NCKAP5: variants seen among roughly 807,000 people sequenced by gnomAD.
NCKAP5 encodes nck-associated protein 5.
In NCKAP5, 92 loss-of-function variants were observed where a neutral mutation model predicts 167.0. The ratio of observed to expected loss-of-function variants is 0.55; its 90% confidence interval spans 0.47 to 0.66. NCKAP5 has a LOEUF of 0.66. NCKAP5 is among the 30% of genes least tolerant of loss of function. The pLI is 0.00. For synonymous variants in NCKAP5, 891 were observed against 877.4 expected (o/e 1.02, Z -0.27); for missense variants, 2,378 against 2,315.0 (o/e 1.03, Z -0.56).
intron 8 of NCKAP5, among the ~76,000 whole-genome samples, chr2:132,961,982 T>C (rs1172913547): frequency 6.6e-6 from 1 of 152,200 alleles, no homozygotes; most frequent in Non-Finnish European, 1.5e-5. Context: ...TGACTATCTT[T>C]AAAAAATGAC....
intron 3 of NCKAP5, among the ~76,000 whole-genome samples, chr2:133,366,953 G>A (rs1685492570): frequency 6.6e-6 from 1 of 152,126 alleles, no homozygotes; most frequent in Non-Finnish European, 1.5e-5. Flanking sequence ...TACTTATCAC[G>A]TAAAGACACT....
At chr2:133,199,710 T>C (rs2085590876) in intron 5 of NCKAP5, among the ~76,000 whole-genome samples, 1 of 151,992 alleles carries the variant, frequency 6.6e-6, no homozygotes, top group Non-Finnish European at 1.5e-5. Flanking sequence ...ATTTCACTCC[T>C]AGGTATTTAT....
At chr2:133,321,505 A>G (rs1365737902) in intron 3 of NCKAP5, among the ~76,000 whole-genome samples, 1 of 152,218 alleles carries the variant, frequency 6.6e-6, no homozygotes, top group Non-Finnish European at 1.5e-5. Flanking sequence ...TTAAGCTTAC[A>G]ATGACAAAAC....
At chr2:133,103,441 A>G (rs1226851533) in intron 6 of NCKAP5, among the ~76,000 whole-genome samples, 1 of 152,204 alleles carries the variant, frequency 6.6e-6, no homozygotes, top group African/African-American at 2.4e-5. Context: ...TGAGAATTAA[A>G]AGAGAGAAAG....
At chr2:133,619,709 G>C in the NCKAP5 span, among the ~76,000 whole-genome samples, 4 of 152,050 alleles carry the variant, frequency 2.6e-5, no homozygotes, top group Non-Finnish European at 5.9e-5. Flanking sequence ...AACTTCCCTG[G>C]CCTTGCTAGA....
intron 3 of NCKAP5, among the ~76,000 whole-genome samples, chr2:133,324,863 G>T (rs1682322852): frequency 2.0e-5 from 3 of 151,892 alleles, no homozygotes; most frequent in Admixed American, 2.0e-4. Context: ...GGGATTACAG[G>T]CACCCAGATA....
At chr2:133,006,401 T>C (rs896064513) in intron 6 of NCKAP5, among the ~76,000 whole-genome samples, 2 of 152,238 alleles carry the variant, frequency 1.3e-5, no homozygotes, top group African/African-American at 2.4e-5. Flanking sequence ...AAGTTAATAT[T>C]TCTCCACAGT....
intron 6 of NCKAP5, among the ~76,000 whole-genome samples, chr2:133,100,609 G>T (rs142129286): frequency 6.6e-6 from 1 of 152,088 alleles, no homozygotes; most frequent in Non-Finnish European, 1.5e-5. Context: ...TAGCAACAGC[G>T]TAAGAAATCC....
chr2:133,593,250 A>C, the NCKAP5 span, among the ~76,000 whole-genome samples: 2 of 152,200 alleles, frequency 1.3e-5, no homozygotes, highest in South Asian at 4.1e-4. Context: ...AGAATTGTAT[A>C]CACATTTGTA....
chr2:133,557,174 T>C (rs1461640349), intron 2 of NCKAP5, among the ~76,000 whole-genome samples: 1 of 152,162 alleles, frequency 6.6e-6, no homozygotes, highest in African/African-American at 2.4e-5. Context: ...AAAACAAATA[T>C]CATAAGAGAA....
chr2:132,747,620 T>TA (rs1183331290), intron 16 of NCKAP5, among the ~76,000 whole-genome samples: 1 of 152,130 alleles, frequency 6.6e-6, no homozygotes, highest in Admixed American at 6.5e-5. Flanking sequence ...AGAGGGCATC[T>TA]AAGGAGCAGA....
rs1053558662 is a variant in NCKAP5, at chr2:132,895,826, A to C, written c.580-16910T>G. On this transcript the variant is annotated intron_variant, in intron 8 of 19. Transcript: ENST00000409261. Reference sequence around the variant, plus strand: ...TGAATGAGAAGGACTCAAAAAAAAAAAAAAAAACAAAAAAAAAAACACAGT... The same window carrying C: ...TGAATGAGAAGGACTCAAAAAAAAACAAAAAAACAAAAAAAAAAACACAGT... Among the ~76,000 whole-genome samples, 153 of 146,866 alleles carry C rather than the reference A, an allele frequency of 1.0e-3. 2 individuals carry two copies. Among genetic ancestry groups the C allele is most frequent in the Middle Eastern group, 3.7e-3 (1 of 270 alleles).
chr2:133,084,796 C>T (rs2080929409), intron 6 of NCKAP5, among the ~76,000 whole-genome samples: 1 of 152,164 alleles, frequency 6.6e-6, no homozygotes, highest in Non-Finnish European at 1.5e-5. Flanking sequence ...TTAGCTGATA[C>T]ACTTAGGCAT....
At chr2:133,223,079 C>G (rs550518005) in intron 4 of NCKAP5, among the ~76,000 whole-genome samples, 2 of 151,936 alleles carry the variant, frequency 1.3e-5, no homozygotes, top group Non-Finnish European at 2.9e-5. Context: ...AAGAAAAATA[C>G]TAATCAAACT....
chr2:133,085,061 T>G (rs1183819135), intron 6 of NCKAP5, among the ~76,000 whole-genome samples: 1 of 152,206 alleles, frequency 6.6e-6, no homozygotes, highest in Non-Finnish European at 1.5e-5. Context: ...ATTTCTTAGC[T>G]AGTTGGTAAT....
chr2:133,659,010 T>C, the NCKAP5 span, among the ~76,000 whole-genome samples: 1 of 152,112 alleles, frequency 6.6e-6, no homozygotes, highest in Non-Finnish European at 1.5e-5. Flanking sequence ...TTTAAAAATT[T>C]AAAGGCATCA....
chr2:133,428,176 C>T (rs1689930700), intron 3 of NCKAP5, among the ~76,000 whole-genome samples: 1 of 152,048 alleles, frequency 6.6e-6, no homozygotes, highest in African/African-American at 2.4e-5. Flanking sequence ...GAAGCTTTGT[C>T]CTACAAGATA....
intron 2 of NCKAP5, among the ~76,000 whole-genome samples, chr2:133,550,038 C>T (rs1238835075): frequency 1.3e-5 from 2 of 151,218 alleles, no homozygotes; most frequent in Non-Finnish European, 1.5e-5. Flanking sequence ...TCTCCCAAGA[C>T]TAAACCAGGA....
At chr2:132,813,133 A>C (rs147395716) in intron 11 of NCKAP5, among the ~76,000 whole-genome samples, 1 of 152,346 alleles carries the variant, frequency 6.6e-6, no homozygotes, top group African/African-American at 2.4e-5. Context: ...ACGAGAGAGA[A>C]TGTGCCATTT....
Sources: allele counts gnomAD v4.1 joint callset (sites outside exome capture counted in the v4.1 genomes callset), GRCh38; gene constraint gnomAD v4.1.1; transcripts MANE v1.5; gene names NCBI Gene and HGNC (gene_info 2026-07-23, HGNC 2026-07-21).